Variants in TRIP10 observed in about 807,000 individuals in gnomAD.
TRIP10 encodes cdc42-interacting protein 4.
TRIP10 carries 54 observed loss-of-function variants against 80.9 expected under a neutral mutation model. That is an observed-to-expected ratio of 0.67 (90% CI 0.54 to 0.84). TRIP10 has a LOEUF of 0.84. TRIP10 is among the 40% of genes least tolerant of loss of function. The probability of loss-of-function intolerance (pLI) is 0.00; values close to 1 mark genes in which losing one functional copy is unlikely to be tolerated. For missense variants in TRIP10, 773 were observed against 815.3 expected, an observed-to-expected ratio of 0.95 and a Z score of 0.63; for synonymous variants, 321 against 307.2, an observed-to-expected ratio of 1.04 and a Z score of -0.47.
chr19:6,743,063 A>G lies in TRIP10; in HGVS notation c.294A>G (p.Val98=). Reference sequence around the variant, plus strand: ...TGGCTGAGAACCTCAGTGTCCGTGTATGTCTTGAGCTGACCAAGTACTCAC... The same window carrying G: ...TGGCTGAGAACCTCAGTGTCCGTGTGTGTCTTGAGCTGACCAAGTACTCAC... ...ELVAENLSVR[V]CLELTKYSQE... The change falls in exon 4 of 15, where the codon GTA becomes GTG. Residue 98 remains valine (V), a synonymous_variant. Coordinates refer to ENST00000313244, the MANE Select transcript of TRIP10 (RefSeq NM_001288962.2). The G allele has an allele frequency of 6.2e-7, 1 of 1,614,184 alleles. No homozygotes were observed. Among genetic ancestry groups the G allele is most frequent in the South Asian group, 1.1e-5 (1 of 91,086 alleles).
In TRIP10 at chr19:6,750,991, CT is replaced by C. The variant is rs1320251596; in HGVS notation, c.1658-71del. On this transcript the variant is annotated intron_variant, in intron 14 of 14. Coordinates refer to ENST00000313244, the MANE Select transcript of TRIP10 (RefSeq NM_001288962.2). ...AGCCTGGGCGAGAGCGAGGCTCTGT[CT>C]CAAAAATAAAAAATAAAAATAATAA... 11 of 1,447,740 alleles carry C rather than the reference CT, an allele frequency of 7.6e-6. No homozygotes were observed. In the African/African-American group the frequency reaches 1.5e-4, roughly 19 times the overall value. The allele number at this position is 1,447,740 out of a possible 1,614,324, so 89.7% of individuals were successfully genotyped here.
Position 6,746,104 on chromosome 19 carries a change from T to C in TRIP10, c.1060T>C (p.Ser354Pro). 3.6e-6 allele frequency: 5 copies of C among 1,392,756 alleles called. No individual in the cohort carries two copies. The highest frequency in any genetic ancestry group is 1.3e-5 in the South Asian group (1 of 75,406). 86.3% of individuals were successfully genotyped at this position (1,392,756 alleles called of 1,614,324 possible). A position where few individuals can be genotyped will look rare whatever the true frequency, so the allele number is the denominator to read the frequency against. ...GCCTAACGGACCCCCGTCCCCCCGC[T>C]CCGGCCGTGACCCCTTGGCCATACT... ...ALPNGPPSPR[S>P]GRDPLAILSE... The change falls in exon 10 of 15, where the codon TCC becomes CCC. Residue 354 changes from serine (S) to proline (P), a missense_variant. Transcript: ENST00000313244. This position sits in a 1 kb window ranked among gnomAD's most constrained non-coding sequence, Gnocchi z 6.2.
Position 6,750,293 on chromosome 19 carries a change from C to T in TRIP10, c.1397C>T (p.Ala466Val), listed in dbSNP as rs767634125. 1.1e-5 allele frequency: 17 copies of T among 1,613,828 alleles called. No individual in the cohort carries two copies. In the East Asian group the frequency reaches 1.1e-4, roughly 11 times the overall value. Residue 466 changes from alanine to valine, a missense_variant and splice_region_variant, in exon 13 of 15, where the codon GCG (alanine) becomes GTG (valine). By Grantham distance (64) the Ala-to-Val change is moderately conservative (BLOSUM62 0). Coordinates refer to ENST00000313244, the MANE Select transcript of TRIP10 (RefSeq NM_001288962.2). Reference sequence around the variant, plus strand: ...GATTTTCCTGTCCCCTCCTCCCAGGCGTGGCTGGCAGAAGCTGAAAGTCGA... The same window carrying T: ...GATTTTCCTGTCCCCTCCTCCCAGGTGTGGCTGGCAGAAGCTGAAAGTCGA... ...RLKLEVQKYE[A>V]WLAEAESRVL...
chr19:6,744,786 T>C lies in TRIP10; in HGVS notation c.790-14T>C. Reference sequence around the variant, plus strand: ...TAGGCACTCGACTGCTCATCCACTGTCCCCCTCCCCCAGGACTCCCACGTC... The same window carrying C: ...TAGGCACTCGACTGCTCATCCACTGCCCCCCTCCCCCAGGACTCCCACGTC... On this transcript the variant is annotated splice_polypyrimidine_tract_variant and intron_variant, in intron 8 of 14. Transcript: ENST00000313244. The surrounding 1 kb of genome is among the most constrained non-coding windows in gnomAD (Gnocchi z 4.9). The C allele has an allele frequency of 6.2e-7, 1 of 1,607,754 alleles. No individual in the cohort carries two copies. Among genetic ancestry groups the C allele is most frequent in the Non-Finnish European group, 8.5e-7 (1 of 1,176,476 alleles).
rs1403264587 is a variant in TRIP10 at position 6,744,529 on chromosome 19, G to A, written c.643-25G>A. The A allele has an allele frequency of 6.2e-7, 1 of 1,613,378 alleles. No individual in the cohort carries two copies. Among genetic ancestry groups the A allele is most frequent in the Non-Finnish European group, 8.5e-7 (1 of 1,180,016 alleles). ...CTAGTCCCTCTGTTAGCACCCCTGA[G>A]CCACCCTTGTCCCTGTCCTTACAGA... On this transcript the variant is annotated intron_variant, in intron 7 of 14. Coordinates refer to ENST00000313244, the MANE Select transcript of TRIP10 (RefSeq NM_001288962.2). The surrounding 1 kb of genome is among the most constrained non-coding windows in gnomAD (Gnocchi z 4.9).
At position 6,751,286 on chromosome 19, in the gene TRIP10, C is replaced by G. The variant is rs1282977643; in HGVS notation, c.*75C>G. On this transcript the variant is annotated 3_prime_UTR_variant, in exon 15 of 15. Coordinates refer to ENST00000313244, the MANE Select transcript of TRIP10 (RefSeq NM_001288962.2). ...CACGGGGAGCCCCAGGACCTATGCA[C>G]TTTATTTCTGACCCCGTGGCTTCGG... is the stretch of plus-strand genomic sequence containing the variant. 1 of 1,604,414 alleles carries G rather than the reference C, an allele frequency of 6.2e-7. No homozygotes were observed. Among genetic ancestry groups the G allele is most frequent in the African/African-American group, 1.3e-5 (1 of 74,680 alleles).
intron 12 of TRIP10, 56 bp downstream of exon 12, chr19:6,750,122 TGGGTG>T: frequency 4.3e-6 from 1 of 230,894 alleles, no homozygotes; most frequent in Non-Finnish European, 7.3e-6. Context: ...GAGTCACTGC[TGGGTG>T]GGGTGGGGGG....
rs1969100304 is a variant in TRIP10 at position 6,745,751 on chromosome 19, G to GT, written c.985-276dup. 1 of 985,050 alleles carries GT rather than the reference G, an allele frequency of 1.0e-6. No homozygotes were observed. Among genetic ancestry groups the GT allele is most frequent in the Non-Finnish European group, 1.2e-6 (1 of 829,914 alleles). 61.0% of individuals were successfully genotyped at this position (985,050 alleles called of 1,614,324 possible). A position where few individuals can be genotyped will look rare whatever the true frequency, so the allele number is the denominator to read the frequency against. On this transcript the variant is annotated intron_variant, in intron 9 of 14. Coordinates refer to ENST00000313244, the MANE Select transcript of TRIP10 (RefSeq NM_001288962.2). The surrounding 1 kb of genome is among the most constrained non-coding windows in gnomAD (Gnocchi z 7.2). ...CCTAGGAGATACCGGGGGAGTGAGA[G>GT]TTCTGGCTTTCGGGCTTACAGTTCA...
chr19:6,740,093 G>C (rs1490934697), intron 1 of TRIP10, among the ~76,000 whole-genome samples: 2 of 152,090 alleles, frequency 1.3e-5, no homozygotes, highest in Non-Finnish European at 2.9e-5. Flanking sequence ...CGCCCTGGCC[G>C]GGCAGGCGGC....
intron 3 of TRIP10, among the ~76,000 whole-genome samples, chr19:6,742,632 A>AG (rs1968953804): frequency 1.3e-5 from 2 of 151,442 alleles, no homozygotes; most frequent in African/African-American, 4.9e-5. Flanking sequence ...GAAAAAAAAA[A>AG]TTAGCCAGGT....
chr19:6,746,286 C>T lies in TRIP10; in HGVS notation c.1152+90C>T. The stretch of plus-strand genomic sequence containing the variant: ...CCCTGGGCTCGCTTCCTGCCGCTGG[C>T]TGGGCCCCTCTTCCCTGGTTGCCCA... On this transcript the variant is annotated intron_variant, in intron 10 of 14. Coordinates refer to ENST00000313244, the MANE Select transcript of TRIP10 (RefSeq NM_001288962.2). The surrounding 1 kb of genome is among the most constrained non-coding windows in gnomAD (Gnocchi z 6.2). 1 of 1,484,964 alleles carries T rather than the reference C, an allele frequency of 6.7e-7. No homozygotes were observed. The highest frequency in any genetic ancestry group is 1.4e-5 in the South Asian group (1 of 73,976). 92.0% of individuals were successfully genotyped at this position (1,484,964 alleles called of 1,614,324 possible).
intron 12 of TRIP10, 87 bp downstream of exon 12, chr19:6,750,153 G>A (rs562962185): frequency 6.4e-7 from 1 of 1,564,160 alleles, no homozygotes; most frequent in South Asian, 1.2e-5. Context: ...GACAGGGGAG[G>A]TGTTCGGAGC....
chr19:6,750,165 G>T, intron 12 of TRIP10, 99 bp downstream of exon 12: 1 of 1,570,212 alleles, frequency 6.4e-7, no homozygotes, highest in Non-Finnish European at 8.7e-7. Flanking sequence ...GTTCGGAGCG[G>T]GGGGTCTCCA....
At chr19:6,742,004 G>T (rs1265950710) in intron 3 of TRIP10, among the ~76,000 whole-genome samples, 1 of 151,628 alleles carries the variant, frequency 6.6e-6, no homozygotes, top group Admixed American at 6.6e-5. Flanking sequence ...TTTTAGTAGA[G>T]ACAGGGTTTC....
chr19:6,748,147 T>A (rs1568255075), intron 11 of TRIP10: 1 of 151,730 alleles, frequency 6.6e-6, no homozygotes, highest in Non-Finnish European at 1.5e-5. Context: ...ATATTGACAA[T>A]AAAAAAATCT....
At position 6,750,325 on chromosome 19, in the gene TRIP10, AGCAACC is replaced by A; in HGVS notation, c.1431_1436del (p.Ser477_Asn478del). 1 of 1,614,046 alleles carries A rather than the reference AGCAACC, an allele frequency of 6.2e-7. No homozygotes were observed. Among genetic ancestry groups the A allele is most frequent in the Non-Finnish European group, 8.5e-7 (1 of 1,179,974 alleles). On this transcript the variant is annotated inframe_deletion, in exon 13 of 15. Transcript: ENST00000313244. ...GGCAGAAGCTGAAAGTCGAGTCCTT[AGCAACC>A]GGGGAGACAGCCTGAGCCGGCACGC...
chr19:6,750,285 C>T lies in TRIP10; in HGVS notation c.1396-7C>T. 6.2e-7 allele frequency: 1 copy of T among 1,613,858 alleles called. No homozygotes were observed. The highest frequency in any genetic ancestry group is 1.7e-5 in the Admixed American group (1 of 60,000). On this transcript the variant is annotated splice_polypyrimidine_tract_variant and splice_region_variant and intron_variant, in intron 12 of 14. Coordinates refer to ENST00000313244, the MANE Select transcript of TRIP10 (RefSeq NM_001288962.2). ...CCTGGAACGATTTTCCTGTCCCCTC[C>T]TCCCAGGCGTGGCTGGCAGAAGCTG...
Position 6,744,345 on chromosome 19 carries a change from G to C in TRIP10, c.643-209G>C, listed in dbSNP as rs1969031383. Among the ~76,000 whole-genome samples the C allele has an allele frequency of 6.6e-6, 1 of 152,132 alleles. No individual in the cohort carries two copies. Among genetic ancestry groups the C allele is most frequent in the Non-Finnish European group, 1.5e-5 (1 of 68,034 alleles). ...TTGAGAAGCCTTTGCTGACCCCCTA[G>C]GCACGCGTCCCCCTCTGAGATCCCC... On this transcript the variant is annotated intron_variant, in intron 7 of 14. Transcript: ENST00000313244. The surrounding 1 kb of genome is among the most constrained non-coding windows in gnomAD (Gnocchi z 4.9).
rs749734118 is a variant in TRIP10, at chr19:6,750,374, C to T, written c.1478C>T (p.Pro493Leu). The T allele has an allele frequency of 6.8e-6, 11 of 1,614,068 alleles. No individual in the cohort carries two copies. Among genetic ancestry groups the T allele is most frequent in the Non-Finnish European group, 7.6e-6 (9 of 1,180,000 alleles). ...LSRHARPPDP[P>L]ASAPPDSSSN... ...CGGCACGCCCGGCCTCCCGACCCCC[C>T]CGCTAGCGCCCCGCCAGACAGCAGC... The change falls in exon 13 of 15, where the codon CCC becomes CTC. Residue 493 changes from proline (P) to leucine (L), a missense_variant. Pro to Leu is a moderately conservative substitution (Grantham distance 98). Coordinates refer to ENST00000313244, the MANE Select transcript of TRIP10 (RefSeq NM_001288962.2).
Sources: gnomAD v4.1 joint callset for allele counts (sites outside exome capture counted in the v4.1 genomes callset) on GRCh38, gnomAD v4.1.1 for gene constraint, Gnocchi (gnomAD v3.1) non-coding constraint, MANE v1.5 for transcripts, NCBI Gene and HGNC (gene_info 2026-07-23, HGNC 2026-07-21) for gene names.